The following DYM variants were observed in gnomAD, a reference collection of about 807,000 sequenced individuals.
DYM encodes the protein dymeclin.
Under a neutral mutation model 93.1 loss-of-function variants are expected in DYM, and 78 were observed. The observed-to-expected ratio is 0.84, with a 90% CI of 0.70 to 1.01. DYM has a LOEUF of 1.01. DYM is among the 50% of genes least tolerant of loss of function. DYM has a pLI of 0.00. For missense variants in DYM, 789 were observed against 845.0 expected, an observed-to-expected ratio of 0.93 and a Z score of 0.82; for synonymous variants, 321 against 319.7, an observed-to-expected ratio of 1.00 and a Z score of -0.04.
At chr18:49,236,211 T>G (rs1237133857) in intron 13 of DYM, among the ~76,000 whole-genome samples, 1 of 152,216 alleles carries the variant, frequency 6.6e-6, no homozygotes, top group African/African-American at 2.4e-5. Flanking sequence ...CCAGGCACAG[T>G]GGCTCACACC....
Position 49,038,478 on chromosome 18 carries a change from G to C in DYM, c.*5577C>G, listed in dbSNP as rs925387496. On this transcript the variant is annotated 3_prime_UTR_variant, in exon 18 of 18. Transcript: ENST00000675505. Reference sequence around the variant, plus strand: ...AGTTTACTTAAATATATCTACACCAGTTTCCTCATGGTTACTGTTTGCTGG... The same window carrying C: ...AGTTTACTTAAATATATCTACACCACTTTCCTCATGGTTACTGTTTGCTGG... Among the ~76,000 whole-genome samples, 2 of 152,032 alleles carry C rather than the reference G, an allele frequency of 1.3e-5. No individual in the cohort carries two copies. The highest frequency in any genetic ancestry group is 1.5e-5 in the Non-Finnish European group (1 of 68,002).
At chr18:49,189,807 A>G (rs559888704) in intron 14 of DYM, among the ~76,000 whole-genome samples, 1 of 152,330 alleles carries the variant, frequency 6.6e-6, no homozygotes, top group East Asian at 1.9e-4. Context: ...AAATTTCTCT[A>G]AACAACCATG....
intron 8 of DYM, among the ~76,000 whole-genome samples, chr18:49,295,003 T>C (rs746155578): frequency 2.0e-5 from 3 of 152,138 alleles, no homozygotes; most frequent in African/African-American, 7.2e-5. Context: ...ACGTAATGAG[T>C]TCCTGTTAGG....
At chr18:49,208,472 T>C (rs1007021749) in intron 14 of DYM, 1 of 152,166 alleles carries the variant, frequency 6.6e-6, no homozygotes, top group African/African-American at 2.4e-5. Flanking sequence ...TTTTTATTTC[T>C]CAAAAGTATC....
intron 13 of DYM, among the ~76,000 whole-genome samples, chr18:49,218,421 G>C (rs1326149989): frequency 6.6e-6 from 1 of 152,174 alleles, no homozygotes; most frequent in Non-Finnish European, 1.5e-5. Flanking sequence ...GACATCTACA[G>C]AACTCTGCAC....
chr18:49,210,842 C>G (rs2092746025), intron 13 of DYM, among the ~76,000 whole-genome samples: 2 of 152,084 alleles, frequency 1.3e-5, no homozygotes, highest in Admixed American at 1.3e-4. Flanking sequence ...TAAAACTGCT[C>G]TTTAAAAAGT....
At chr18:49,189,092 G>A (rs2145642183) in intron 14 of DYM, among the ~76,000 whole-genome samples, 1 of 152,226 alleles carries the variant, frequency 6.6e-6, no homozygotes, top group South Asian at 2.1e-4. Context: ...TTATAAGTGG[G>A]AGCCAAACAC....
chr18:49,206,534 C>T (rs2092515663), intron 14 of DYM: 1 of 152,286 alleles, frequency 6.6e-6, no homozygotes, highest in Non-Finnish European at 1.5e-5. Flanking sequence ...AAATGTTTGT[C>T]ACCTGCAAAG....
At chr18:49,243,831 G>A (rs896180630) in intron 13 of DYM, among the ~76,000 whole-genome samples, 2 of 152,062 alleles carry the variant, frequency 1.3e-5, no homozygotes, top group Admixed American at 6.6e-5. Flanking sequence ...TATGTACTCA[G>A]ATACCATTAT....
chr18:49,161,691 G>T (rs922685820), intron 15 of DYM, among the ~76,000 whole-genome samples: 2 of 152,142 alleles, frequency 1.3e-5, no homozygotes, highest in African/African-American at 4.8e-5. Context: ...GATACATTTT[G>T]GAATTATAAA....
At chr18:49,313,460 C>A (rs1216711508) in intron 8 of DYM, among the ~76,000 whole-genome samples, 1 of 9,118 alleles carries the variant, frequency 1.1e-4, no homozygotes, top group Non-Finnish European at 2.6e-4. Context: ...AAGACTCTGT[C>A]ACAAAAAAAA....
In DYM at chr18:49,152,419, G is replaced by A. The variant is rs377524871; in HGVS notation, c.1728+11266C>T. Among the ~76,000 whole-genome samples the A allele has an allele frequency of 2.6e-4, 39 of 152,252 alleles. No individual in the cohort carries two copies. In the South Asian group the frequency reaches 4.4e-3, roughly 17 times the overall value. On this transcript the variant is annotated intron_variant, in intron 15 of 17. Transcript: ENST00000675505. ...CCTAGCCAAGTTAGAACACAAGCAC[G>A]AAAATTGGTTGTCTTATGTCAAAGT... is the stretch of plus-strand genomic sequence containing the variant.
At chr18:49,363,756 T>C (rs80354392) in intron 5 of DYM, among the ~76,000 whole-genome samples, 80 of 152,298 alleles carry the variant, frequency 5.3e-4, no homozygotes, top group African/African-American at 1.9e-3. Flanking sequence ...GCCAACCTCC[T>C]CTTTACAGAC....
At chr18:49,212,174 G>A (rs1253013662) in intron 13 of DYM, among the ~76,000 whole-genome samples, 3 of 152,032 alleles carry the variant, frequency 2.0e-5, no homozygotes, top group African/African-American at 7.2e-5. Context: ...GAAAGACTGA[G>A]GGACCATTCC....
chr18:49,335,874 C>T (rs566342233), intron 6 of DYM, among the ~76,000 whole-genome samples: 37 of 151,766 alleles, frequency 2.4e-4, no homozygotes, highest in African/African-American at 8.0e-4. Context: ...CACCTAGTGG[C>T]GCGATCTTGG....
chr18:49,392,643 C>T (rs563018710), intron 2 of DYM, among the ~76,000 whole-genome samples: 25 of 128,656 alleles, frequency 1.9e-4, no homozygotes, highest in African/African-American at 6.9e-4. Flanking sequence ...AAAACCAGAG[C>T]GAGATACTAC....
chr18:49,160,278 G>C (rs549204456), intron 15 of DYM, among the ~76,000 whole-genome samples: 1 of 152,120 alleles, frequency 6.6e-6, no homozygotes, highest in African/African-American at 2.4e-5. Flanking sequence ...TCAGTTGAAG[G>C]TTTCAGGTTT....
chr18:49,327,390 T>C (rs571827705), intron 8 of DYM, among the ~76,000 whole-genome samples: 24 of 152,144 alleles, frequency 1.6e-4, no homozygotes, highest in African/African-American at 5.5e-4. Context: ...TGAGACAAAG[T>C]CTGTCACTCA....
At chr18:49,131,076 T>C (rs946598194) in intron 15 of DYM, among the ~76,000 whole-genome samples, 2 of 152,210 alleles carry the variant, frequency 1.3e-5, no homozygotes, top group East Asian at 1.9e-4. Context: ...GCGTAGCAGA[T>C]AAAGAGTGTT....
Sources: allele counts gnomAD v4.1 joint callset (sites outside exome capture counted in the v4.1 genomes callset), GRCh38; gene constraint gnomAD v4.1.1; transcripts MANE v1.5; gene names NCBI Gene and HGNC (gene_info 2026-07-23, HGNC 2026-07-21).